Variants in ATAD1 observed in about 807,000 individuals in gnomAD.
ATAD1 encodes outer mitochondrial transmembrane helix translocase.
A neutral mutation model predicts 42.7 loss-of-function variants in ATAD1; 18 were observed. That is an observed-to-expected ratio of 0.42 (90% CI 0.29 to 0.63). ATAD1 has a LOEUF of 0.63. Ranked by LOEUF, ATAD1 falls within the 20% of genes least tolerant of loss-of-function variation. ATAD1 has a pLI of 0.19. For missense variants in ATAD1, 294 were observed against 440.4 expected, an observed-to-expected ratio of 0.67 and a Z score of 2.98; for synonymous variants, 132 against 143.1, an observed-to-expected ratio of 0.92 and a Z score of 0.55.
chr10:87,812,504 C>A (rs192194895), intron 2 of ATAD1, among the ~76,000 whole-genome samples: 3 of 152,276 alleles, frequency 2.0e-5, no homozygotes, highest in Admixed American at 2.0e-4. Flanking sequence ...CTCAAGTGAT[C>A]TGCCTGTCTC....
intron 2 of ATAD1, among the ~76,000 whole-genome samples, chr10:87,799,388 T>G (rs374990661): frequency 4.6e-5 from 7 of 152,362 alleles, no homozygotes; most frequent in East Asian, 3.9e-4. Context: ...TATCATAACT[T>G]CTAATCTTGT....
At chr10:87,838,265 G>A (rs186803144) in intron 1 of ATAD1, among the ~76,000 whole-genome samples, 4 of 151,906 alleles carry the variant, frequency 2.6e-5, no homozygotes, top group Admixed American at 6.6e-5. Flanking sequence ...GGTGGCTCAC[G>A]CCCTTAATCC....
chr10:87,754,875 C>A, intron 9 of ATAD1, 68 bp from the exon 10 acceptor site: 1 of 1,539,578 alleles, frequency 6.5e-7, no homozygotes, highest in Non-Finnish European at 8.8e-7. Context: ...AATATTTTAC[C>A]AAGATTTAAA....
intron 1 of ATAD1, among the ~76,000 whole-genome samples, chr10:87,824,938 T>C (rs1284380275): frequency 6.6e-6 from 1 of 152,180 alleles, no homozygotes; most frequent in East Asian, 1.9e-4. Context: ...GATAATAAAG[T>C]TTAACGTATT....
At chr10:87,840,095 G>T (rs1171358895) in intron 1 of ATAD1, among the ~76,000 whole-genome samples, 1 of 152,162 alleles carries the variant, frequency 6.6e-6, no homozygotes, top group Non-Finnish European at 1.5e-5. Flanking sequence ...ATGTTACATT[G>T]TTCCAGAGTT....
At chr10:87,834,260 G>GTCT (rs1298278337) in intron 1 of ATAD1, among the ~76,000 whole-genome samples, 2 of 152,042 alleles carry the variant, frequency 1.3e-5, no homozygotes, top group African/African-American at 4.8e-5. Context: ...TTCTTGTCCT[G>GTCT]TCTTTGTCTG....
At chr10:87,821,468 G>T (rs1409030293), upstream of ATAD1, among the ~76,000 whole-genome samples, 2 of 152,020 alleles carry the variant, frequency 1.3e-5, no homozygotes, top group South Asian at 2.1e-4. Flanking sequence ...GGAGGCAGAG[G>T]TTGCAGTGAG....
At chr10:87,806,637 T>C (rs966111410) in intron 2 of ATAD1, among the ~76,000 whole-genome samples, 1 of 152,222 alleles carries the variant, frequency 6.6e-6, no homozygotes, top group African/African-American at 2.4e-5. Context: ...CTTAGAGTTG[T>C]TGAGCATCTG....
chr10:87,804,106 C>T (rs1856821103), intron 2 of ATAD1, among the ~76,000 whole-genome samples: 1 of 152,200 alleles, frequency 6.6e-6, no homozygotes, highest in South Asian at 2.1e-4. Context: ...GTGATAGCTG[C>T]TCTTAAAATT....
Position 87,837,024 on chromosome 10 carries a change from ATTTT to A in ATAD1, c.-14+4159_-14+4162del, listed in dbSNP as rs372490467. On this transcript the variant is annotated intron_variant, in intron 1 of 4. Coordinates refer to the ATAD1 transcript ENST00000495903. ...TTTTTTAGTTCTGAATTTCAATTTCATTTTTTTATTATTTTTTGCATTTCTTTCA... is the reference window on the plus strand; with the variant it reads ...TTTTTTAGTTCTGAATTTCAATTTCATTTATTATTTTTTGCATTTCTTTCA... Among the ~76,000 whole-genome samples the A allele has an allele frequency of 3.2e-3, 481 of 152,082 alleles. 2 individuals are homozygous for A. The highest frequency in any genetic ancestry group is 0.011 in the African/African-American group (436 of 41,476).
intron 2 of ATAD1, among the ~76,000 whole-genome samples, chr10:87,807,808 C>T (rs1856993463): frequency 6.6e-6 from 1 of 152,066 alleles, no homozygotes; most frequent in Non-Finnish European, 1.5e-5. Flanking sequence ...GATAAGAAAA[C>T]TCAAGACCCA....
At chr10:87,779,610 AT>A (rs959371617) in intron 5 of ATAD1, among the ~76,000 whole-genome samples, 1 of 152,112 alleles carries the variant, frequency 6.6e-6, no homozygotes, top group Non-Finnish European at 1.5e-5. Context: ...TCAATAAAAA[AT>A]TAAAAAATCA....
In ATAD1 at chr10:87,818,149, C is replaced by T. The variant is rs879451542; in HGVS notation, c.-14+18G>A. 3 of 985,626 alleles carry T rather than the reference C, an allele frequency of 3.0e-6. No individual in the cohort carries two copies. The highest frequency in any genetic ancestry group is 3.6e-6 in the Non-Finnish European group (3 of 830,080). The allele number at this position is 985,626 out of a possible 1,614,324, so 61.1% of individuals were successfully genotyped here. On this transcript the variant is annotated intron_variant, in intron 1 of 9. Transcript: ENST00000680024. ...ACGACAACCATCCCATGAGGCCCCACGGGAACCAGCTACTCACCCAGGGGC... is the reference window on the plus strand; with the variant it reads ...ACGACAACCATCCCATGAGGCCCCATGGGAACCAGCTACTCACCCAGGGGC...
chr10:87,809,146 C>G (rs1857062454), intron 2 of ATAD1, among the ~76,000 whole-genome samples: 1 of 151,998 alleles, frequency 6.6e-6, no homozygotes, highest in Non-Finnish European at 1.5e-5. Flanking sequence ...TTACCCATAC[C>G]TAAGTTCTCA....
intron 6 of ATAD1, among the ~76,000 whole-genome samples, 182 bp downstream of exon 6, chr10:87,776,139 C>T (rs1248867702): frequency 2.0e-5 from 3 of 152,094 alleles, no homozygotes; most frequent in Non-Finnish European, 2.9e-5. Flanking sequence ...TTGGTAAACA[C>T]GAAGTCCTCA....
intron 2 of ATAD1, among the ~76,000 whole-genome samples, chr10:87,805,238 A>G (rs1487422301): frequency 1.3e-5 from 2 of 152,074 alleles, no homozygotes; most frequent in Non-Finnish European, 1.5e-5. Flanking sequence ...TGTGTATTCT[A>G]ATTCCTTAAT....
intron 3 of ATAD1, 35 bp downstream of exon 3, chr10:87,792,622 C>A: frequency 9.6e-6 from 13 of 1,355,170 alleles, no homozygotes; most frequent in Non-Finnish European, 9.5e-6. Flanking sequence ...ACCCCCACCT[C>A]TAAAAAAATC....
intron 4 of ATAD1, among the ~76,000 whole-genome samples, chr10:87,787,781 A>G (rs1021810582): frequency 6.6e-6 from 1 of 152,226 alleles, no homozygotes; most frequent in African/African-American, 2.4e-5. Context: ...ACATCTATAT[A>G]AATTAAATCT....
intron 1 of ATAD1, among the ~76,000 whole-genome samples, chr10:87,839,945 A>G (rs1055436894): frequency 2.0e-5 from 3 of 152,194 alleles, no homozygotes; most frequent in Non-Finnish European, 4.4e-5. Flanking sequence ...CTTCATGGCC[A>G]GGCTTTAGCC....
Sources: gnomAD v4.1 joint callset for allele counts (sites outside exome capture counted in the v4.1 genomes callset) on GRCh38, gnomAD v4.1.1 for gene constraint, MANE v1.5 for transcripts, NCBI Gene and HGNC (gene_info 2026-07-23, HGNC 2026-07-21) for gene names.